Variants in NARS2 observed in about 807,000 individuals in gnomAD.
NARS2 encodes asparaginyl-tRNA synthetase 2, mitochondrial.
NARS2 carries 60 observed loss-of-function variants against 62.9 expected under a neutral mutation model. The ratio of observed to expected loss-of-function variants is 0.95; its 90% CI spans 0.77 to 1.18. The LOEUF (loss-of-function observed/expected upper bound fraction) is 1.18. Ranked by LOEUF, NARS2 falls within the 50% of genes most tolerant of loss-of-function variation. NARS2 has a pLI of 0.00. For synonymous variants in NARS2, 196 were observed against 200.0 expected, an observed-to-expected ratio of 0.98 and a Z score of 0.17; for missense variants, 619 against 576.4, an observed-to-expected ratio of 1.07 and a Z score of -0.76.
chr11:78,572,003 GA>G (rs1381912202), intron 1 of NARS2, among the ~76,000 whole-genome samples: 2 of 152,082 alleles, frequency 1.3e-5, no homozygotes, highest in Non-Finnish European at 2.9e-5. Context: ...CCAACATGGT[GA>G]AACCCTGTCT....
At chr11:78,442,412 G>C (rs1857602808) in intron 12 of NARS2, among the ~76,000 whole-genome samples, 1 of 152,170 alleles carries the variant, frequency 6.6e-6, no homozygotes. Context: ...CAGTTCAGAT[G>C]AGTGGGATAA....
At chr11:78,561,831 G>T (rs1020858584) in intron 4 of NARS2, among the ~76,000 whole-genome samples, 1 of 151,866 alleles carries the variant, frequency 6.6e-6, no homozygotes, top group East Asian at 1.9e-4. Flanking sequence ...AGGCTGAGGC[G>T]GGTGAATCAC....
intron 5 of NARS2, among the ~76,000 whole-genome samples, chr11:78,535,887 G>C (rs1386122595): frequency 1.3e-5 from 2 of 151,920 alleles, no homozygotes; most frequent in African/African-American, 4.8e-5. Flanking sequence ...AAAGTGCTGG[G>C]ATTACAGGTG....
intron 6 of NARS2, among the ~76,000 whole-genome samples, chr11:78,502,396 G>T (rs765997607): frequency 6.6e-6 from 1 of 152,140 alleles, no homozygotes; most frequent in Non-Finnish European, 1.5e-5. Flanking sequence ...AGCACCCCTG[G>T]TATCTCTTCT....
intron 11 of NARS2, among the ~76,000 whole-genome samples, chr11:78,461,642 A>C (rs982075461): frequency 6.8e-6 from 1 of 146,812 alleles, no homozygotes; most frequent in African/African-American, 2.5e-5. Context: ...TTCAATACCC[A>C]TCCTAAAGTT....
rs1861388455 is a variant in NARS2, at chr11:78,528,919, C to T, written c.612G>A (p.Lys204=). The stretch of plus-strand genomic sequence containing the variant: ...CATTGAAGAAATTCTCCTCAGGTAC[C>T]TTAAGTTTGCCTGAAGGCTGCAAAT... ...LFQLEPSGKL[K]VPEENFFNVP... Residue 204 remains lysine, a synonymous_variant, in exon 6 of 14, where the codon AAG becomes AAA. Coordinates refer to ENST00000281038, the MANE Select transcript of NARS2 (RefSeq NM_024678.6). 1.2e-6 allele frequency: 2 copies of T among 1,610,872 alleles called. No homozygotes were observed. Among genetic ancestry groups the T allele is most frequent in the South Asian group, 1.1e-5 (1 of 91,000 alleles).
intron 7 of NARS2, among the ~76,000 whole-genome samples, chr11:78,485,711 T>C (rs1859543810): frequency 6.6e-6 from 1 of 151,980 alleles, no homozygotes; most frequent in African/African-American, 2.4e-5. Context: ...CTTTTCTCTC[T>C]TCTGTTCCTA....
intron 11 of NARS2, among the ~76,000 whole-genome samples, chr11:78,461,542 G>A (rs1007821930): frequency 2.1e-5 from 3 of 143,346 alleles, no homozygotes; most frequent in Non-Finnish European, 4.5e-5. Flanking sequence ...TCAACGGTGT[G>A]ATAGGGGTGG....
At chr11:78,549,251 G>A (rs1468101719) in intron 5 of NARS2, among the ~76,000 whole-genome samples, 1 of 152,180 alleles carries the variant, frequency 6.6e-6, no homozygotes, top group African/African-American at 2.4e-5. Context: ...CAAGAAACCT[G>A]GGCTGCTGCC....
chr11:78,521,163 TTTC>T (rs1419000964), intron 6 of NARS2, among the ~76,000 whole-genome samples: 2 of 149,894 alleles, frequency 1.3e-5, no homozygotes, highest in African/African-American at 5.0e-5. Flanking sequence ...ATTCTCTCTC[TTTC>T]TTTTTTTTTT....
chr11:78,478,951 C>T (rs1859229474), intron 7 of NARS2, among the ~76,000 whole-genome samples: 1 of 152,142 alleles, frequency 6.6e-6, no homozygotes, highest in African/African-American at 2.4e-5. Context: ...AAATGAACAG[C>T]TGTAACTCAT....
At chr11:78,510,721 T>C (rs1167713033) in intron 6 of NARS2, among the ~76,000 whole-genome samples, 2 of 152,210 alleles carry the variant, frequency 1.3e-5, no homozygotes, top group Non-Finnish European at 2.9e-5. Context: ...GTTATAAAAA[T>C]TGTGAATGTA....
chr11:78,493,275 G>A (rs752444067), intron 6 of NARS2, 80 bp from the exon 7 acceptor site: 60 of 1,396,398 alleles, frequency 4.3e-5, no homozygotes, highest in South Asian at 3.2e-4. Context: ...GAGCTCTTAC[G>A]GAAAATAAAG....
At chr11:78,516,022 G>A (rs1860897710) in intron 6 of NARS2, among the ~76,000 whole-genome samples, 1 of 152,030 alleles carries the variant, frequency 6.6e-6, no homozygotes, top group African/African-American at 2.4e-5. Flanking sequence ...CCATTTCTCT[G>A]GGCCATGAAA....
intron 11 of NARS2, among the ~76,000 whole-genome samples, chr11:78,454,927 A>AT (rs1248117184): frequency 3.3e-5 from 5 of 152,086 alleles, no homozygotes; most frequent in Admixed American, 1.3e-4. Context: ...AGTCTCAGGT[A>AT]TTTTTTTATA....
chr11:78,478,171 C>G (rs1408063134), intron 9 of NARS2, among the ~76,000 whole-genome samples: 2 of 152,020 alleles, frequency 1.3e-5, no homozygotes, highest in Admixed American at 1.3e-4. Flanking sequence ...TTAATAGTTA[C>G]TAGATTTTAT....
intron 5 of NARS2, among the ~76,000 whole-genome samples, chr11:78,532,931 C>T (rs1861532532): frequency 6.6e-6 from 1 of 152,088 alleles, no homozygotes; most frequent in South Asian, 2.1e-4. Flanking sequence ...ATAAGTGAAG[C>T]CTCAGCTTCT....
intron 7 of NARS2, among the ~76,000 whole-genome samples, chr11:78,485,838 T>C (rs543369701): frequency 2.6e-5 from 4 of 152,262 alleles, no homozygotes; most frequent in Non-Finnish European, 5.9e-5. Flanking sequence ...GGCAGACTGC[T>C]GTTTTGAAGA....
chr11:78,476,657 T>TC (rs1438672634), intron 9 of NARS2, among the ~76,000 whole-genome samples: 3 of 152,178 alleles, frequency 2.0e-5, no homozygotes, highest in Non-Finnish European at 2.9e-5. Context: ...CTGATGTCCC[T>TC]CTCCCCACAA....
Sources: allele counts gnomAD v4.1 joint callset (sites outside exome capture counted in the v4.1 genomes callset), GRCh38; gene constraint gnomAD v4.1.1; transcripts MANE v1.5; gene names NCBI Gene and HGNC (gene_info 2026-07-23, HGNC 2026-07-21).